Variants in ELF1 observed in about 807,000 individuals in gnomAD.
ELF1 encodes E74 like ETS transcription factor 1.
Under a neutral mutation model 59.9 loss-of-function variants are expected in ELF1, and 24 were observed. The ratio of observed to expected loss-of-function variants is 0.40; its 90% CI spans 0.29 to 0.56. ELF1 has a LOEUF of 0.56. ELF1 is among the 20% of genes least tolerant of loss of function. The pLI is 0.44. For synonymous variants in ELF1, 248 were observed against 266.2 expected (o/e 0.93, Z 0.67); for missense variants, 627 against 742.2 (o/e 0.84, Z 1.80).
intron 2 of ELF1, among the ~76,000 whole-genome samples, chr13:40,974,836 A>C (rs577818765): frequency 6.6e-6 from 1 of 152,318 alleles, no homozygotes; most frequent in African/African-American, 2.4e-5. Context: ...GCCAAATGTT[A>C]GACCACAGGC....
intron 1 of ELF1, among the ~76,000 whole-genome samples, chr13:41,044,037 T>A (rs1876736716): frequency 6.6e-6 from 1 of 152,190 alleles, no homozygotes; most frequent in Admixed American, 6.5e-5. Context: ...GATTCCTAGG[T>A]ATTTTATTCT....
intron 2 of ELF1, among the ~76,000 whole-genome samples, chr13:40,976,396 A>G (rs371588572): frequency 5.3e-5 from 8 of 152,342 alleles, no homozygotes; most frequent in African/African-American, 1.9e-4. Flanking sequence ...AAGCATTCCC[A>G]AAGTTGCAGT....
At chr13:41,031,510 T>C (rs943956462) in intron 1 of ELF1, among the ~76,000 whole-genome samples, 9 of 152,124 alleles carry the variant, frequency 5.9e-5, no homozygotes, top group African/African-American at 2.2e-4. Context: ...AAAATCAAAC[T>C]GAGGCTACAC....
Position 40,982,286 on chromosome 13 carries a change from A to C in ELF1, c.-228-4T>G. 1 of 1,252,432 alleles carries C rather than the reference A, an allele frequency of 8.0e-7. No individual in the cohort carries two copies. Among genetic ancestry groups the C allele is most frequent in the Non-Finnish European group, 1.0e-6 (1 of 997,026 alleles). 77.6% of individuals were successfully genotyped at this position (1,252,432 alleles called of 1,614,324 possible). ...TTCTTCTCTCAAGCTTCTTGGCCTAAAAAACAAAAGCTCAGATTAGTTATG... is the reference window on the plus strand; with the variant it reads ...TTCTTCTCTCAAGCTTCTTGGCCTACAAAACAAAAGCTCAGATTAGTTATG... On this transcript the variant is annotated splice_polypyrimidine_tract_variant and splice_region_variant and intron_variant, in intron 1 of 8. Transcript: ENST00000239882.
chr13:40,987,460 C>T (rs1455214695), intron 1 of ELF1, among the ~76,000 whole-genome samples: 2 of 149,986 alleles, frequency 1.3e-5, no homozygotes, highest in African/African-American at 4.9e-5. Flanking sequence ...GTGGTGAGTG[C>T]CTGTAATCCC....
intron 3 of ELF1, among the ~76,000 whole-genome samples, chr13:40,956,019 C>G (rs1871391428): frequency 1.4e-5 from 2 of 147,092 alleles, no homozygotes; most frequent in Non-Finnish European, 1.5e-5. Context: ...CTGGCCGCCC[C>G]TACTGGGAAG....
chr13:40,949,460 G>A (rs1201980031), intron 5 of ELF1, among the ~76,000 whole-genome samples: 1 of 151,910 alleles, frequency 6.6e-6, no homozygotes, highest in Non-Finnish European at 1.5e-5. Context: ...TGAGCTCAAG[G>A]GATCCTCCAC....
intron 1 of ELF1, among the ~76,000 whole-genome samples, chr13:40,996,722 A>T (rs1366091956): frequency 6.6e-6 from 1 of 152,174 alleles, no homozygotes; most frequent in Non-Finnish European, 1.5e-5. Flanking sequence ...GTATATGGGA[A>T]ATCTGTACTT....
intron 1 of ELF1, among the ~76,000 whole-genome samples, chr13:41,060,589 G>A (rs1877506069): frequency 2.0e-5 from 3 of 152,138 alleles, no homozygotes; most frequent in Non-Finnish European, 4.4e-5. Context: ...TCCAAAAGCC[G>A]CAGCCCAGCT....
chr13:41,047,932 C>T (rs886810098), intron 1 of ELF1, among the ~76,000 whole-genome samples: 21 of 152,242 alleles, frequency 1.4e-4, no homozygotes, highest in South Asian at 2.1e-4. Flanking sequence ...CCACCCAGTT[C>T]GAGCTTCAGG....
In ELF1 at chr13:41,060,814, CTA is replaced by C. The variant is rs922901493; in HGVS notation, c.-229+22_-229+23del. Reference sequence around the variant, plus strand: ...TAACCGCTAGACCATATGGGAAGTGCTATGAGAAACTGCCGTGACCCACCTGA... The same window carrying C: ...TAACCGCTAGACCATATGGGAAGTGCTGAGAAACTGCCGTGACCCACCTGA... On this transcript the variant is annotated intron_variant, in intron 1 of 1. Transcript: ENST00000405737. 7.6e-5 allele frequency: 17 copies of C among 224,276 alleles called. 2 individuals are homozygous for C. Among genetic ancestry groups the C allele is most frequent in the South Asian group, 5.1e-4 (9 of 17,688 alleles). 13.9% of individuals were successfully genotyped at this position (224,276 alleles called of 1,614,324 possible).
At position 40,983,725 on chromosome 13, in the gene ELF1, T is replaced by TA. The variant is rs567589727; in HGVS notation, c.-228-1444dup. ...TGTTTTGATTTAAATTGATCACAGA[T>TA]AGATACATTTGGCCTTGTACTTATT... On this transcript the variant is annotated intron_variant, in intron 1 of 8. Coordinates refer to ENST00000239882, the MANE Select transcript of ELF1 (RefSeq NM_172373.4). Among the ~76,000 whole-genome samples the TA allele has an allele frequency of 3.9e-5, 6 of 152,294 alleles. No individual in the cohort carries two copies. In the South Asian group the frequency reaches 1.0e-3, roughly 26 times the overall value.
At chr13:40,956,133 G>C (rs1249455294) in intron 3 of ELF1, among the ~76,000 whole-genome samples, 3 of 150,348 alleles carry the variant, frequency 2.0e-5, no homozygotes, top group Non-Finnish European at 4.5e-5. Context: ...AATAGAAAGG[G>C]GGGAAAGGTG....
At chr13:40,953,054 G>A (rs949256085) in intron 3 of ELF1, among the ~76,000 whole-genome samples, 4 of 147,642 alleles carry the variant, frequency 2.7e-5, no homozygotes, top group Non-Finnish European at 5.9e-5. Context: ...TTGGCTCACC[G>A]CAACCTCTGC....
At chr13:40,945,036 T>C (rs947433236) in intron 5 of ELF1, among the ~76,000 whole-genome samples, 1 of 152,170 alleles carries the variant, frequency 6.6e-6, no homozygotes, top group Non-Finnish European at 1.5e-5. Flanking sequence ...GTCAGCCAAG[T>C]ATCTCGACTT....
intron 1 of ELF1, among the ~76,000 whole-genome samples, chr13:41,051,451 A>G (rs1028970849): frequency 1.3e-5 from 2 of 152,020 alleles, no homozygotes; most frequent in Non-Finnish European, 2.9e-5. Flanking sequence ...GAGGGTATCG[A>G]TGATAAACAC....
At chr13:40,983,210 A>T (rs534648370) in intron 1 of ELF1, among the ~76,000 whole-genome samples, 1 of 152,370 alleles carries the variant, frequency 6.6e-6, no homozygotes, top group African/African-American at 2.4e-5. Context: ...ATACAAAAAT[A>T]ATCACATTAA....
At position 40,990,373 on chromosome 13, in the gene ELF1, C is replaced by A. The variant is rs573597491; in HGVS notation, c.-228-8091G>T. 5.9e-5 allele frequency among the ~76,000 whole-genome samples: 9 copies of A among 152,140 alleles called. No individual in the cohort carries two copies. The South Asian group carries it at 1.0e-3, about 18-fold the overall frequency. ...AGTTCAAGGGAAAAATTCACTTTCG[C>A]CTCTATTAGGTGAATATTCAGGATA... is the stretch of plus-strand genomic sequence containing the variant. On this transcript the variant is annotated intron_variant, in intron 1 of 8. Coordinates refer to ENST00000239882, the MANE Select transcript of ELF1 (RefSeq NM_172373.4).
chr13:40,942,398 A>G (rs548392425), intron 7 of ELF1, among the ~76,000 whole-genome samples: 1 of 152,368 alleles, frequency 6.6e-6, no homozygotes, highest in African/African-American at 2.4e-5. Flanking sequence ...AAAACGAACT[A>G]AAAGTGAGCT....
Sources: gnomAD v4.1 joint callset for allele counts (sites outside exome capture counted in the v4.1 genomes callset) on GRCh38, gnomAD v4.1.1 for gene constraint, MANE v1.5 for transcripts, NCBI Gene and HGNC (gene_info 2026-07-23, HGNC 2026-07-21) for gene names.